UBAP2: variants seen among roughly 807,000 people sequenced by gnomAD.
UBAP2 encodes ubiquitin associated protein 2, also known as ubiquitin-associated protein 2.
UBAP2 carries 75 observed loss-of-function variants against 139.6 expected under a neutral mutation model. The ratio of observed to expected loss-of-function variants is 0.54; its 90% CI spans 0.45 to 0.65. UBAP2 has a LOEUF of 0.65. Among genes scored for constraint, UBAP2 ranks in the 30% least tolerant of loss-of-function variants. UBAP2 has a pLI of 0.00. For synonymous variants in UBAP2, 526 were observed against 526.2 expected (o/e 1.00, Z 0.01); for missense variants, 1,368 against 1,369.6 (o/e 1.00, Z 0.02).
intron 4 of UBAP2, among the ~76,000 whole-genome samples, chr9:33,991,118 T>A (rs1821674183): frequency 6.6e-6 from 1 of 152,024 alleles, no homozygotes; most frequent in South Asian, 2.1e-4. Flanking sequence ...AACTCTTATC[T>A]CTACTAAAAA....
intron 8 of UBAP2, among the ~76,000 whole-genome samples, chr9:33,967,877 CTG>C: frequency 6.6e-6 from 1 of 152,202 alleles, no homozygotes; most frequent in African/African-American, 2.4e-5. Flanking sequence ...AGAAAAAATA[CTG>C]TGATAAACTT....
intron 2 of UBAP2, among the ~76,000 whole-genome samples, chr9:34,013,071 T>C (rs1823902182): frequency 6.8e-6 from 1 of 147,770 alleles, no homozygotes; most frequent in African/African-American, 2.5e-5. Flanking sequence ...GGAGAATCAC[T>C]TGAACCCAGG....
intron 1 of UBAP2, among the ~76,000 whole-genome samples, chr9:34,024,497 A>C (rs1311853275): frequency 6.6e-6 from 1 of 152,166 alleles, no homozygotes; most frequent in African/African-American, 2.4e-5. Context: ...TATAATACCT[A>C]ATTCCCTATT....
intron 25 of UBAP2, 32 bp from the exon 26 acceptor site, chr9:33,923,325 A>G: frequency 2.5e-6 from 4 of 1,613,978 alleles, no homozygotes; most frequent in Non-Finnish European, 2.5e-6. Context: ...GGCAAGTGTG[A>G]GCCAGGCAAG....
In UBAP2 at chr9:33,923,355, CTCTG is replaced by C. The variant is rs755554859; in HGVS notation, c.2896+20_2896+23del. On this transcript the variant is annotated intron_variant, in intron 25 of 28. Transcript: ENST00000379238. ...GGCAAGCCTGTCTAACCCCATGTGT[CTCTG>C]TCTGGGAAGTACCCCTCACCTGTAC... The C allele has an allele frequency of 4.3e-6, 7 of 1,614,030 alleles. No homozygotes were observed. The highest frequency in any genetic ancestry group is 2.2e-5 in the South Asian group (2 of 91,074).
chr9:34,025,129 A>C (rs1825299828), intron 1 of UBAP2, among the ~76,000 whole-genome samples: 1 of 152,178 alleles, frequency 6.6e-6, no homozygotes, highest in Admixed American at 6.6e-5. Flanking sequence ...AGACCGTAAA[A>C]ATCAACACCT....
At chr9:33,975,910 G>T (rs1279802518) in intron 6 of UBAP2, among the ~76,000 whole-genome samples, 1 of 151,852 alleles carries the variant, frequency 6.6e-6, no homozygotes, top group South Asian at 2.1e-4. Context: ...GTGCTTGTGG[G>T]TATATGTTTA....
intron 9 of UBAP2, among the ~76,000 whole-genome samples, chr9:33,962,096 T>G (rs143366803): frequency 1.9e-3 from 287 of 152,228 alleles, no homozygotes; most frequent in African/African-American, 6.1e-3. Context: ...AAGAGAAAGC[T>G]TGATGGCGAA....
At chr9:33,923,112 G>GC in intron 26 of UBAP2, 74 bp downstream of exon 26, 1 of 1,611,034 alleles carries the variant, frequency 6.2e-7, no homozygotes, top group Non-Finnish European at 8.5e-7. Flanking sequence ...CTCAGGGGTT[G>GC]CCCTGCCTGA....
intron 4 of UBAP2, chr9:33,995,943 G>C (rs1822164124): frequency 3.4e-6 from 1 of 291,830 alleles, no homozygotes; most frequent in Non-Finnish European, 6.3e-6. Context: ...TTTTCAGGTG[G>C]GGGTGGTGAA....
intron 1 of UBAP2, among the ~76,000 whole-genome samples, chr9:34,019,202 A>ATGGT (rs1824675798): frequency 6.6e-6 from 1 of 152,112 alleles, no homozygotes; most frequent in Non-Finnish European, 1.5e-5. Flanking sequence ...CAGGAGTTCA[A>ATGGT]GACCAGCCTG....
intron 1 of UBAP2, among the ~76,000 whole-genome samples, chr9:34,022,654 G>A (rs527859735): frequency 2.0e-5 from 3 of 151,788 alleles, no homozygotes; most frequent in African/African-American, 7.2e-5. Flanking sequence ...GGCCAGGCTG[G>A]TCTTGAACTC....
chr9:34,039,232 T>G (rs1197350695), intron 1 of UBAP2, among the ~76,000 whole-genome samples: 16 of 141,372 alleles, frequency 1.1e-4, no homozygotes, highest in South Asian at 2.2e-4. Flanking sequence ...GTTGGGGAGT[T>G]GGGGGGCGCC....
Position 33,985,938 on chromosome 9 carries a change from T to G in UBAP2, c.520+822A>C, listed in dbSNP as rs567884534. On this transcript the variant is annotated intron_variant, in intron 6 of 28. Transcript: ENST00000379238. ...TCAGGAGGGTAAGTAGGAGGATTGT[T>G]TGAGCCCAGGAGGTGGAGGTTGCAG... 3.9e-5 allele frequency among the ~76,000 whole-genome samples: 6 copies of G among 152,122 alleles called. 1 individual carries two copies. The highest frequency in any genetic ancestry group is 1.4e-4 in the African/African-American group (6 of 41,536).
intron 15 of UBAP2, among the ~76,000 whole-genome samples, 175 bp from the exon 16 acceptor site, chr9:33,942,037 C>T (rs866587611): frequency 2.6e-5 from 4 of 152,198 alleles, no homozygotes; most frequent in Middle Eastern, 3.4e-3. Flanking sequence ...ACTTAGGCTG[C>T]GTGCGGTGGC....
chr9:33,950,480 C>G (rs1826007620), intron 12 of UBAP2, among the ~76,000 whole-genome samples: 1 of 152,184 alleles, frequency 6.6e-6, no homozygotes, highest in South Asian at 2.1e-4. Context: ...AAGGAATGTC[C>G]CACTTGGATG....
At chr9:33,977,227 C>T (rs766612653) in intron 6 of UBAP2, among the ~76,000 whole-genome samples, 8 of 151,560 alleles carry the variant, frequency 5.3e-5, no homozygotes, top group East Asian at 2.0e-4. Flanking sequence ...TTATTAGAGA[C>T]GGGGTTTCAC....
chr9:33,939,322 A>G (rs1013217279), intron 16 of UBAP2, among the ~76,000 whole-genome samples: 1 of 148,684 alleles, frequency 6.7e-6, no homozygotes, highest in African/African-American at 2.5e-5. Flanking sequence ...TCAGCCTCCC[A>G]AGTAGTAGCT....
In UBAP2 at chr9:33,983,988, T is replaced by C. The variant is rs543603524; in HGVS notation, c.520+2772A>G. ...GTGCAATGGTACAATCTCGGCTCACTGCAGCCTCCACTTCCCCCAGTTCTC... is the reference window on the plus strand; with the variant it reads ...GTGCAATGGTACAATCTCGGCTCACCGCAGCCTCCACTTCCCCCAGTTCTC... On this transcript the variant is annotated intron_variant, in intron 6 of 28. Transcript: ENST00000379238. Among the ~76,000 whole-genome samples the C allele has an allele frequency of 7.9e-5, 12 of 152,064 alleles. No individual in the cohort carries two copies. In the South Asian group the frequency reaches 2.5e-3, roughly 32 times the overall value.
Sources: allele counts gnomAD v4.1 joint callset (sites outside exome capture counted in the v4.1 genomes callset), GRCh38; gene constraint gnomAD v4.1.1; transcripts MANE v1.5; gene names NCBI Gene and HGNC (gene_info 2026-07-23, HGNC 2026-07-21).